TACC2: variants seen among roughly 807,000 people sequenced by gnomAD.
TACC2 encodes the protein transforming acidic coiled-coil-containing protein 2.
In TACC2, 137 loss-of-function variants were observed where a neutral mutation model predicts 227.3. That is an observed-to-expected ratio of 0.60 (90% CI 0.52 to 0.69). The LOEUF (loss-of-function observed/expected upper bound fraction) is 0.69. Ranked by LOEUF, TACC2 falls within the 30% of genes least tolerant of loss-of-function variation. The pLI, the probability that TACC2 is intolerant of heterozygous loss-of-function variation, is 0.00. For missense variants in TACC2, 3,470 were observed against 3,694.4 expected, an observed-to-expected ratio of 0.94 and a Z score of 1.57; for synonymous variants, 1,523 against 1,487.5, an observed-to-expected ratio of 1.02 and a Z score of -0.55.
chr10:122,081,787 G>A (rs1392551492), intron 3 of TACC2, among the ~76,000 whole-genome samples: 1 of 152,126 alleles, frequency 6.6e-6, no homozygotes, highest in Non-Finnish European at 1.5e-5. Flanking sequence ...TAGGTCACGT[G>A]CGGAAATTCC....
At chr10:122,142,824 A>T (rs1227899550) in intron 6 of TACC2, among the ~76,000 whole-genome samples, 4 of 152,204 alleles carry the variant, frequency 2.6e-5, no homozygotes, top group African/African-American at 4.8e-5. Context: ...TACCACCCTG[A>T]AAGCTGTTCC....
rs141351590 is a variant in TACC2 at position 122,017,053 on chromosome 10, C to T, written c.-45-4884C>T. On this transcript the variant is annotated intron_variant, in intron 1 of 22. Coordinates refer to ENST00000369005, the MANE Select transcript of TACC2 (RefSeq NM_206862.4). ...ACCCGGCCAAAACCTTGATCTCGAACGTCCAGCCTCCAGGAAGATGAGACA... is the reference window on the plus strand; with the variant it reads ...ACCCGGCCAAAACCTTGATCTCGAATGTCCAGCCTCCAGGAAGATGAGACA... Among the ~76,000 whole-genome samples, 110 of 148,902 alleles carry T rather than the reference C, an allele frequency of 7.4e-4. 2 individuals are homozygous for T. The highest frequency in any genetic ancestry group is 2.4e-3 in the African/African-American group (95 of 40,058).
chr10:122,084,312 C>T lies in TACC2; in HGVS notation c.1812C>T (p.Ser604=), dbSNP rs528483370. 5.0e-6 allele frequency: 8 copies of T among 1,613,942 alleles called. No individual in the cohort carries two copies. The African/African-American group carries it at 8.0e-5, about 16-fold the overall frequency. ...LQGEDSQAFS[S]KRDPEVGKDE... ...GAGAGGACTCTCAGGCTTTCAGCAG[C>T]AAGCGTGATCCAGAAGTAGGCAAAG... The change falls in exon 4 of 23, where the codon AGC becomes AGT. Residue 604 remains serine (S), a synonymous_variant. Coordinates refer to ENST00000369005, the MANE Select transcript of TACC2 (RefSeq NM_206862.4).
chr10:122,011,794 T>C (rs1955961114), intron 1 of TACC2, among the ~76,000 whole-genome samples: 1 of 152,234 alleles, frequency 6.6e-6, no homozygotes, highest in Non-Finnish European at 1.5e-5. Flanking sequence ...CTCACTTTAC[T>C]ATTCCTTTAA....
intron 7 of TACC2, among the ~76,000 whole-genome samples, chr10:122,144,680 A>T (rs745324439): frequency 3.3e-5 from 5 of 152,196 alleles, no homozygotes; most frequent in Non-Finnish European, 5.9e-5. Context: ...CCACATGCAG[A>T]TGATATTCTA....
chr10:122,118,293 G>C (rs2138297922), intron 5 of TACC2, among the ~76,000 whole-genome samples: 1 of 152,252 alleles, frequency 6.6e-6, no homozygotes, highest in African/African-American at 2.4e-5. Context: ...GGGATTACAG[G>C]TGTGAGCCAC....
intron 5 of TACC2, among the ~76,000 whole-genome samples, chr10:122,107,898 C>CTTTTTTTTT (rs143830637): frequency 9.2e-6 from 1 of 108,434 alleles, no homozygotes; most frequent in Non-Finnish European, 1.7e-5. Context: ...TTTCTTTTTT[C>CTTTTTTTTT]TTTTTTTTTT....
chr10:122,120,115 T>G (rs1472217744), intron 5 of TACC2, among the ~76,000 whole-genome samples: 2 of 152,012 alleles, frequency 1.3e-5, no homozygotes, highest in Admixed American at 6.6e-5. Context: ...GAGGAGAAGG[T>G]TCCCCCTCCG....
rs1491511358 is a variant in TACC2, at chr10:122,061,019, A to AAGG, written c.146+10469_146+10470insAGG. On this transcript the variant is annotated intron_variant, in intron 3 of 22. Transcript: ENST00000369005. ...CCATCTCAAAAAAAAAAAAAAAAAAAGGGGGGGGGGCCAGGCACGGTGGCT... is the reference window on the plus strand; with the variant it reads ...CCATCTCAAAAAAAAAAAAAAAAAAAAGGGGGGGGGGGGCCAGGCACGGTGGCT... 9.0e-3 allele frequency among the ~76,000 whole-genome samples: 148 copies of AAGG among 16,444 alleles called. 1 individual carries two copies. The highest frequency in any genetic ancestry group is 0.015 in the African/African-American group (142 of 9,656). 10.8% of individuals were successfully genotyped at this position (16,444 alleles called of 152,430 possible).
At chr10:122,163,513 T>C in intron 7 of TACC2, 1 of 954,882 alleles carries the variant, frequency 1.0e-6, no homozygotes, top group South Asian at 4.8e-5. Flanking sequence ...GAGCCCGCGA[T>C]GGAGCTTTGT....
At position 122,184,452 on chromosome 10, in the gene TACC2, C is replaced by T. The variant is rs192889551; in HGVS notation, c.5835-10588C>T. ...TTGCCCTGGACAAAATCCAGCTAAC[C>T]GGATCCCAGCTGGGTTCCGTGTATT... On this transcript the variant is annotated intron_variant, in intron 7 of 22. Coordinates refer to ENST00000369005, the MANE Select transcript of TACC2 (RefSeq NM_206862.4). 4.6e-5 allele frequency among the ~76,000 whole-genome samples: 7 copies of T among 152,256 alleles called. No homozygotes were observed. The South Asian group carries it at 1.2e-3, about 27-fold the overall frequency.
intron 7 of TACC2, among the ~76,000 whole-genome samples, chr10:122,184,923 C>A (rs2094127483): frequency 6.6e-6 from 1 of 151,890 alleles, no homozygotes; most frequent in Admixed American, 6.6e-5. Context: ...CTGTCCCCTG[C>A]CAGGTGCTTG....
chr10:122,136,364 C>G (rs1565404404), intron 6 of TACC2, among the ~76,000 whole-genome samples: 1 of 152,074 alleles, frequency 6.6e-6, no homozygotes, highest in East Asian at 1.9e-4. Context: ...TCTGCACTTT[C>G]TGCTTCCCAT....
At position 122,211,659 on chromosome 10, in the gene TACC2, G is replaced by A. The variant is rs768585905; in HGVS notation, c.7234G>A (p.Gly2412Arg). 5.7e-6 allele frequency: 9 copies of A among 1,591,266 alleles called. No homozygotes were observed. The highest frequency in any genetic ancestry group is 1.4e-5 in the African/African-American group (1 of 73,460). ...TGCTATGGAAGCCAATGGAGTGGAC[G>A]GGGATGGGCTAAACAAGCCCGCCAA... is the stretch of plus-strand genomic sequence containing the variant. ...ASAMEANGVDGDGLNKPAKKK... is the reference protein window; with the variant it reads ...ASAMEANGVDRDGLNKPAKKK... Residue 2412 changes from glycine to arginine, a missense_variant, in exon 9 of 23, where the codon GGG becomes AGG. Physicochemically the swap from Gly to Arg is moderately radical, Grantham distance 125. This residue lies in a region of TACC2 where 593 missense variants were observed against 636.6 expected (regional missense o/e 0.93). Transcript: ENST00000369005.
chr10:122,064,828 C>A (rs2077216554), intron 3 of TACC2, among the ~76,000 whole-genome samples: 2 of 152,122 alleles, frequency 1.3e-5, no homozygotes, highest in African/African-American at 4.8e-5. Flanking sequence ...TTATTGGTAT[C>A]AGATACATAC....
Position 122,032,353 on chromosome 10 carries a change from C to T in TACC2, c.33+10339C>T, listed in dbSNP as rs991800885. ...CTGTCCCAGTGAGCACACTCCCCGT[C>T]GCACCCAGGCCCCTAGCACCTCAGG... On this transcript the variant is annotated intron_variant, in intron 2 of 22. Transcript: ENST00000369005. 4.6e-5 allele frequency among the ~76,000 whole-genome samples: 7 copies of T among 152,164 alleles called. No individual in the cohort carries two copies. In the East Asian group the frequency reaches 5.8e-4, roughly 13 times the overall value.
chr10:121,995,526 T>C (rs755580164), intron 1 of TACC2, among the ~76,000 whole-genome samples: 11 of 152,190 alleles, frequency 7.2e-5, no homozygotes, highest in Non-Finnish European at 1.2e-4. Context: ...TCTAGTGGCA[T>C]GGTGAGTGTA....
At chr10:122,045,582 A>C (rs2074878340) in intron 2 of TACC2, among the ~76,000 whole-genome samples, 1 of 152,270 alleles carries the variant, frequency 6.6e-6, no homozygotes, top group Admixed American at 6.5e-5. Flanking sequence ...TCGTAGCAGA[A>C]AGAGAGCTAT....
At chr10:122,164,076 G>T in intron 7 of TACC2, 1 of 1,496,498 alleles carries the variant, frequency 6.7e-7, no homozygotes, top group Non-Finnish European at 9.1e-7. Context: ...CTTTCCTAAT[G>T]CCTGTGCAAC....
Sources: gnomAD v4.1 joint callset for allele counts (sites outside exome capture counted in the v4.1 genomes callset) on GRCh38, gnomAD v4.1.1 for gene constraint, gnomAD v4.1.1 regional missense constraint, MANE v1.5 for transcripts, NCBI Gene and HGNC (gene_info 2026-07-23, HGNC 2026-07-21) for gene names.